PDGFC: variants seen among roughly 807,000 people sequenced by gnomAD.
The protein encoded by PDGFC is platelet derived growth factor C.
A neutral mutation model predicts 35.5 loss-of-function variants in PDGFC; 12 were observed. The ratio of observed to expected loss-of-function variants is 0.34; its 90% confidence interval spans 0.22 to 0.55. The LOEUF (loss-of-function observed/expected upper bound fraction) is 0.55, where lower values mean the gene tolerates loss of function less well. Among genes scored for constraint, PDGFC ranks in the 20% least tolerant of loss-of-function variants. The pLI, the probability that PDGFC is intolerant of heterozygous loss-of-function variation, is 0.91. For synonymous variants in PDGFC, 159 were observed against 148.8 expected (o/e 1.07, Z -0.50); for missense variants, 322 against 412.4 (o/e 0.78, Z 1.90).
At chr4:156,818,895 T>C (rs572457683) in intron 2 of PDGFC, among the ~76,000 whole-genome samples, 2 of 152,146 alleles carry the variant, frequency 1.3e-5, no homozygotes, top group Admixed American at 1.3e-4. Flanking sequence ...CTTGTTCCAA[T>C]ATTCTTGTAT....
chr4:156,913,706 C>T (rs1731094895), intron 1 of PDGFC, among the ~76,000 whole-genome samples: 1 of 152,100 alleles, frequency 6.6e-6, no homozygotes, highest in Non-Finnish European at 1.5e-5. Context: ...TAAGTGGTGT[C>T]AGAAGTGGGA....
At chr4:156,885,888 T>A (rs1730365211) in intron 1 of PDGFC, among the ~76,000 whole-genome samples, 1 of 151,982 alleles carries the variant, frequency 6.6e-6, no homozygotes. Flanking sequence ...TCCAAATAAA[T>A]AAATAAATAA....
chr4:156,795,484 TA>T (rs1403534454), intron 3 of PDGFC, among the ~76,000 whole-genome samples: 4 of 151,174 alleles, frequency 2.6e-5, no homozygotes, highest in South Asian at 2.1e-4. Context: ...AATCCCTGTT[TA>T]AAAAAAAAGT....
At chr4:156,923,427 T>G (rs1268216451) in intron 1 of PDGFC, among the ~76,000 whole-genome samples, 2 of 152,216 alleles carry the variant, frequency 1.3e-5, no homozygotes, top group Non-Finnish European at 2.9e-5. Flanking sequence ...TCAATTGTAT[T>G]CAATGAATAG....
rs374768727 is a variant in PDGFC at position 156,923,532 on chromosome 4, G to A, written c.118+47254C>T. 1.1e-4 allele frequency among the ~76,000 whole-genome samples: 17 copies of A among 152,278 alleles called. No individual in the cohort carries two copies. The South Asian group carries it at 3.5e-3, about 32-fold the overall frequency. The stretch of plus-strand genomic sequence containing the variant: ...AAATGTTGTAGAAGGCGATTAATTT[G>A]TAAAGAAAGAAGCAGTTTCAAAGAA... On this transcript the variant is annotated intron_variant, in intron 1 of 5. Transcript: ENST00000502773.
At chr4:156,888,704 T>A (rs1730433118) in intron 1 of PDGFC, among the ~76,000 whole-genome samples, 1 of 152,202 alleles carries the variant, frequency 6.6e-6, no homozygotes. Flanking sequence ...CTTTCATTTT[T>A]TCTCCAATGT....
chr4:156,798,136 G>T (rs12504057), intron 3 of PDGFC, among the ~76,000 whole-genome samples: 21,727 of 152,140 alleles, frequency 0.14, 1,591 homozygotes, highest in South Asian at 0.23. Context: ...AGGTTGCAGT[G>T]AGCCGAGATT....
intron 2 of PDGFC, among the ~76,000 whole-genome samples, chr4:156,838,859 ACCAGG>A (rs2111046997): frequency 6.6e-6 from 1 of 152,286 alleles, no homozygotes; most frequent in Admixed American, 6.5e-5. Context: ...CAGACCCAAC[ACCAGG>A]CCATGGGGGC....
chr4:156,824,091 G>A (rs1398447601), intron 2 of PDGFC, among the ~76,000 whole-genome samples: 1 of 151,760 alleles, frequency 6.6e-6, no homozygotes, highest in East Asian at 1.9e-4. Flanking sequence ...TGGAATGGAT[G>A]AGGAAAGAGA....
At chr4:156,956,178 G>A (rs546815763) in intron 1 of PDGFC, among the ~76,000 whole-genome samples, 2 of 152,156 alleles carry the variant, frequency 1.3e-5, no homozygotes, top group African/African-American at 2.4e-5. Context: ...TGAAAGAGTT[G>A]GCAGAGCAAT....
intron 1 of PDGFC, among the ~76,000 whole-genome samples, chr4:156,963,667 A>C (rs1732395399): frequency 6.6e-6 from 1 of 152,188 alleles, no homozygotes. Flanking sequence ...CTAGGGGATG[A>C]TAAAAAGTGG....
chr4:156,863,154 T>A (rs1729758167), intron 1 of PDGFC, among the ~76,000 whole-genome samples: 2 of 152,214 alleles, frequency 1.3e-5, no homozygotes, highest in Non-Finnish European at 2.9e-5. Context: ...AGGGTCATCA[T>A]ATAATATCTT....
chr4:156,829,497 T>C (rs544895614), intron 2 of PDGFC, among the ~76,000 whole-genome samples: 29 of 152,292 alleles, frequency 1.9e-4, no homozygotes, highest in African/African-American at 7.0e-4. Context: ...GCCCTAGGTT[T>C]ATTTTACTTT....
intron 1 of PDGFC, among the ~76,000 whole-genome samples, chr4:156,968,507 A>C (rs1732517572): frequency 6.6e-6 from 1 of 152,100 alleles, no homozygotes; most frequent in Admixed American, 6.5e-5. Context: ...TTGAAAGACA[A>C]AAAGAAGAAG....
chr4:156,813,527 G>C (rs1174207606), intron 2 of PDGFC, among the ~76,000 whole-genome samples: 1 of 151,996 alleles, frequency 6.6e-6, no homozygotes, highest in Non-Finnish European at 1.5e-5. Flanking sequence ...ACTGACAAGG[G>C]GTGAAAGGGG....
chr4:156,859,246 A>T (rs1210401859), intron 1 of PDGFC, among the ~76,000 whole-genome samples: 3 of 152,058 alleles, frequency 2.0e-5, no homozygotes, highest in Non-Finnish European at 4.4e-5. Context: ...GCTGAAAATG[A>T]GTTTACTGCT....
At chr4:156,915,151 C>G (rs577262426) in intron 1 of PDGFC, among the ~76,000 whole-genome samples, 1 of 152,306 alleles carries the variant, frequency 6.6e-6, no homozygotes. Context: ...AATGCAGCAA[C>G]TAGCATTAAA....
At chr4:156,865,212 ACG>A (rs927178131) in intron 1 of PDGFC, among the ~76,000 whole-genome samples, 1 of 151,714 alleles carries the variant, frequency 6.6e-6, no homozygotes, top group African/African-American at 2.4e-5. Flanking sequence ...ACACACACAC[ACG>A]CAGATACAAA....
intron 3 of PDGFC, among the ~76,000 whole-genome samples, chr4:156,776,258 A>G (rs980139532): frequency 6.6e-6 from 1 of 152,240 alleles, no homozygotes; most frequent in Non-Finnish European, 1.5e-5. Flanking sequence ...TGATATTTAA[A>G]AACACTTATG....
Sources: allele counts gnomAD v4.1 joint callset (sites outside exome capture counted in the v4.1 genomes callset), GRCh38; gene constraint gnomAD v4.1.1; transcripts MANE v1.5; gene names NCBI Gene and HGNC (gene_info 2026-07-23, HGNC 2026-07-21).